SLC22A23: variants seen among roughly 807,000 people sequenced by gnomAD.
SLC22A23 encodes solute carrier family 22 member 23.
In SLC22A23, 26 loss-of-function variants were observed where a neutral mutation model predicts 61.0. That is an observed-to-expected ratio of 0.43 (90% CI 0.31 to 0.59). The LOEUF is 0.59. SLC22A23 is among the 20% of genes least tolerant of loss of function. SLC22A23 has a pLI of 0.11. For synonymous variants in SLC22A23, 430 were observed against 413.9 expected, an observed-to-expected ratio of 1.04 and a Z score of -0.47; for missense variants, 796 against 934.7, an observed-to-expected ratio of 0.85 and a Z score of 1.94.
At chr6:3,292,313 C>T (rs1365394443) in intron 5 of SLC22A23, among the ~76,000 whole-genome samples, 2 of 152,302 alleles carry the variant, frequency 1.3e-5, no homozygotes, top group African/African-American at 2.4e-5. Context: ...GTTCTAACAC[C>T]CTCAATGGTA....
intron 1 of SLC22A23, among the ~76,000 whole-genome samples, chr6:3,436,404 G>A (rs1194414790): frequency 6.6e-6 from 1 of 152,142 alleles, no homozygotes; most frequent in Non-Finnish European, 1.5e-5. Flanking sequence ...CCAAAGTGCT[G>A]GGATTACAGG....
intron 3 of SLC22A23, among the ~76,000 whole-genome samples, chr6:3,345,287 TAA>T (rs1470066518): frequency 2.0e-5 from 3 of 151,964 alleles, no homozygotes; most frequent in African/African-American, 7.3e-5. Context: ...CCAGTCAACT[TAA>T]GAAAACAACT....
chr6:3,438,778 T>C (rs913181412), intron 1 of SLC22A23, among the ~76,000 whole-genome samples: 2 of 152,212 alleles, frequency 1.3e-5, no homozygotes, highest in African/African-American at 4.8e-5. Context: ...AAACATGCTT[T>C]CCTAGGTGGG....
chr6:3,306,992 G>A (rs759508531), intron 4 of SLC22A23, among the ~76,000 whole-genome samples: 10 of 152,220 alleles, frequency 6.6e-5, no homozygotes, highest in Non-Finnish European at 1.0e-4. Context: ...TCTGCAGCGC[G>A]GTATGGATAC....
At chr6:3,423,812 C>T (rs1770303299) in intron 1 of SLC22A23, among the ~76,000 whole-genome samples, 1 of 152,202 alleles carries the variant, frequency 6.6e-6, no homozygotes, top group Non-Finnish European at 1.5e-5. Flanking sequence ...GTCAACAGAG[C>T]CGGACTGTAG....
At chr6:3,448,057 CATGCCCAGCTAATTTT>C (rs1327219779) in intron 1 of SLC22A23, among the ~76,000 whole-genome samples, 1 of 151,974 alleles carries the variant, frequency 6.6e-6, no homozygotes, top group East Asian at 1.9e-4. Context: ...CACCCACCAC[CATGCCCAGCTAATTTT>C]TGTATATTTA....
chr6:3,367,745 T>G (rs2127458789), intron 3 of SLC22A23, among the ~76,000 whole-genome samples: 2 of 152,316 alleles, frequency 1.3e-5, no homozygotes, highest in Admixed American at 1.3e-4. Flanking sequence ...CTCCTAACTA[T>G]TTGTTAGCAC....
At chr6:3,437,929 T>A (rs538254737) in intron 1 of SLC22A23, among the ~76,000 whole-genome samples, 3 of 151,686 alleles carry the variant, frequency 2.0e-5, no homozygotes, top group Non-Finnish European at 4.4e-5. Context: ...TTCGTGAAGA[T>A]TTTGATGACT....
intron 3 of SLC22A23, among the ~76,000 whole-genome samples, chr6:3,378,691 C>G (rs1229936008): frequency 9.9e-6 from 1 of 100,898 alleles, no homozygotes; most frequent in Non-Finnish European, 1.9e-5. Context: ...GAGTTTTGCT[C>G]TTGTTGCCCA....
intron 3 of SLC22A23, among the ~76,000 whole-genome samples, chr6:3,354,038 T>C (rs1764928409): frequency 6.6e-6 from 1 of 152,266 alleles, no homozygotes; most frequent in South Asian, 2.1e-4. Context: ...GACAGGTAGC[T>C]AAGCCACTTA....
intron 4 of SLC22A23, among the ~76,000 whole-genome samples, chr6:3,315,829 A>G (rs1216225989): frequency 6.6e-6 from 1 of 151,876 alleles, no homozygotes; most frequent in Non-Finnish European, 1.5e-5. Flanking sequence ...ACGCCACTGC[A>G]CTCCAGCCTG....
chr6:3,405,934 T>C (rs926816528), intron 3 of SLC22A23, among the ~76,000 whole-genome samples: 2 of 152,216 alleles, frequency 1.3e-5, no homozygotes, highest in African/African-American at 4.8e-5. Context: ...GGTTGCTCCT[T>C]GATCTTGTGT....
intron 9 of SLC22A23, among the ~76,000 whole-genome samples, chr6:3,280,490 C>CTTTTTTTTTTTTT (rs1163139930): frequency 1.7e-5 from 1 of 57,292 alleles, no homozygotes; most frequent in African/African-American, 5.7e-5. Flanking sequence ...TAAGACACAA[C>CTTTTTTTTTTTTT]TTTTTTTTTT....
intron 1 of SLC22A23, among the ~76,000 whole-genome samples, chr6:3,420,592 G>C (rs1770056016): frequency 6.6e-6 from 1 of 152,184 alleles, no homozygotes; most frequent in Non-Finnish European, 1.5e-5. Flanking sequence ...GGTAGATTTT[G>C]TAACAGTCTA....
At chr6:3,275,652 G>A (rs1325692445) in intron 9 of SLC22A23, among the ~76,000 whole-genome samples, 1 of 152,126 alleles carries the variant, frequency 6.6e-6, no homozygotes, top group African/African-American at 2.4e-5. Flanking sequence ...GCATGATCTC[G>A]GCTCACTGCA....
intron 4 of SLC22A23, among the ~76,000 whole-genome samples, chr6:3,298,771 G>C (rs961383906): frequency 1.3e-5 from 2 of 151,910 alleles, no homozygotes; most frequent in African/African-American, 2.4e-5. Flanking sequence ...AGGAGATCGA[G>C]ACCATCCTGG....
In SLC22A23 at chr6:3,333,677, TC is replaced by T. The variant is rs1442999643; in HGVS notation, c.914-9676del. On this transcript the variant is annotated intron_variant, in intron 3 of 9. Transcript: ENST00000406686. The surrounding 1 kb of genome is among the most constrained non-coding windows in gnomAD (Gnocchi z 4.1). ...AAATAGTAATCCCTGCCCTCTTGCT[TC>T]CCCATGTTGCGACCACACAGAGGAG... 1.3e-5 allele frequency among the ~76,000 whole-genome samples: 2 copies of T among 152,106 alleles called. No individual in the cohort carries two copies. The highest frequency in any genetic ancestry group is 2.9e-5 in the Non-Finnish European group (2 of 68,020).
rs1404579101 is a variant in SLC22A23, at chr6:3,272,308, C to T, written c.*747G>A. 6.5e-6 allele frequency: 1 copy of T among 152,760 alleles called. No homozygotes were observed. The highest frequency in any genetic ancestry group is 1.5e-5 in the Non-Finnish European group (1 of 68,048). The allele number at this position is 152,760 out of a possible 1,614,324, so 9.5% of individuals were successfully genotyped here. The stretch of plus-strand genomic sequence containing the variant: ...TCTCAGGTCTCGACGCATCTGTTAG[C>T]TGTGTACTCACAAAGCTGTGGCGAT... On this transcript the variant is annotated 3_prime_UTR_variant, in exon 10 of 10. Coordinates refer to ENST00000406686, the MANE Select transcript of SLC22A23 (RefSeq NM_015482.2).
At chr6:3,364,210 C>G (rs1337317060) in intron 3 of SLC22A23, among the ~76,000 whole-genome samples, 3 of 152,208 alleles carry the variant, frequency 2.0e-5, no homozygotes, top group African/African-American at 7.2e-5. Context: ...TATGGTGCCA[C>G]CAAACACTTG....
Sources: gnomAD v4.1 joint callset for allele counts (sites outside exome capture counted in the v4.1 genomes callset) on GRCh38, gnomAD v4.1.1 for gene constraint, Gnocchi (gnomAD v3.1) non-coding constraint, MANE v1.5 for transcripts, NCBI Gene and HGNC (gene_info 2026-07-23, HGNC 2026-07-21) for gene names.